MTMR14: variants seen among roughly 807,000 people sequenced by gnomAD.
MTMR14 encodes the protein myotubularin related protein 14.
In MTMR14, 48 loss-of-function variants were observed where a neutral mutation model predicts 86.3. That is an observed-to-expected ratio of 0.56 (90% CI 0.44 to 0.71). The LOEUF is 0.71. Among genes scored for constraint, MTMR14 ranks in the 30% least tolerant of loss-of-function variants. The probability of loss-of-function intolerance (pLI) is 0.00; values close to 1 mark genes in which losing one functional copy is unlikely to be tolerated. For synonymous variants in MTMR14, 366 were observed against 326.1 expected (o/e 1.12, Z -1.32); for missense variants, 780 against 834.6 (o/e 0.93, Z 0.81).
chr3:9,697,746 CCA>C lies in MTMR14; in HGVS notation c.1652_1653del (p.Thr551ArgfsTer33). The C allele has an allele frequency of 6.2e-7, 1 of 1,614,162 alleles. No individual in the cohort carries two copies. The highest frequency in any genetic ancestry group is 8.5e-7 in the Non-Finnish European group (1 of 1,180,032). On this transcript the variant is annotated frameshift_variant, in exon 18 of 19. Coordinates refer to ENST00000296003, the MANE Select transcript of MTMR14 (RefSeq NM_001077525.3). LOFTEE classifies it high-confidence loss of function. ...CATCCCCTGCCCGGATCCTCTCTCT[CCA>C]CAGACTATGGCAGCTGGCAGATGGT...
At chr3:9,670,744 C>T (rs62245625) in intron 5 of MTMR14, among the ~76,000 whole-genome samples, 4 of 152,304 alleles carry the variant, frequency 2.6e-5, no homozygotes, top group East Asian at 1.9e-4. Flanking sequence ...CATTTTAGAA[C>T]GCTGAGATTA....
intron 3 of MTMR14, among the ~76,000 whole-genome samples, chr3:9,667,529 G>A (rs2048322290): frequency 1.3e-5 from 2 of 152,094 alleles, no homozygotes; most frequent in Admixed American, 1.3e-4. Context: ...CCCCACTGGA[G>A]TACATCCTAC....
intron 3 of MTMR14, among the ~76,000 whole-genome samples, chr3:9,663,943 C>T (rs1007484579): frequency 6.6e-6 from 1 of 151,932 alleles, no homozygotes; most frequent in East Asian, 1.9e-4. Flanking sequence ...AGCATGTCAC[C>T]ACACCCAGCT....
chr3:9,682,060 T>C (rs1224253309), intron 9 of MTMR14, among the ~76,000 whole-genome samples: 1 of 152,210 alleles, frequency 6.6e-6, no homozygotes, highest in East Asian at 1.9e-4. Flanking sequence ...CTTGGTACAG[T>C]GCAGCTCTTA....
chr3:9,691,769 T>C (rs2076146442), intron 17 of MTMR14, among the ~76,000 whole-genome samples: 1 of 152,128 alleles, frequency 6.6e-6, no homozygotes, highest in Admixed American at 6.5e-5. Context: ...AGGCCCCCTC[T>C]TGGGAGGCTG....
At chr3:9,680,201 G>A (rs1010896442) in intron 9 of MTMR14, among the ~76,000 whole-genome samples, 26 of 152,108 alleles carry the variant, frequency 1.7e-4, no homozygotes, top group African/African-American at 6.0e-4. Context: ...CCTGAAACTC[G>A]AGTTCTTTGC....
chr3:9,654,055 C>G (rs879446966), intron 2 of MTMR14, among the ~76,000 whole-genome samples: 1 of 152,106 alleles, frequency 6.6e-6, no homozygotes, highest in Non-Finnish European at 1.5e-5. Context: ...TATCAGTGTC[C>G]CTTTTTTAGA....
intron 3 of MTMR14, among the ~76,000 whole-genome samples, chr3:9,666,999 A>G (rs1373939179): frequency 6.6e-6 from 1 of 152,222 alleles, no homozygotes; most frequent in Non-Finnish European, 1.5e-5. Context: ...GTTTTTCTCC[A>G]TCTGACTCGG....
In MTMR14 at chr3:9,688,956, G is replaced by GTGGCAGCACCACCAGCCT; in HGVS notation, c.1315_1332dup (p.Thr439_Ser444dup). On this transcript the variant is annotated inframe_insertion, in exon 16 of 19. Transcript: ENST00000296003. Reference sequence around the variant, plus strand: ...TGGCTTCTTTTAGGACGAAAGGACCGTGGCAGCACCACCAGCCTTGGCAGC... The same window carrying GTGGCAGCACCACCAGCCT: ...TGGCTTCTTTTAGGACGAAAGGACCGTGGCAGCACCACCAGCCTTGGCAGCACCACCAGCCTTGGCAGC... The GTGGCAGCACCACCAGCCT allele has an allele frequency of 7.4e-6, 12 of 1,614,028 alleles. No homozygotes were observed. The highest frequency in any genetic ancestry group is 9.3e-6 in the Non-Finnish European group (11 of 1,180,026).
rs1464404431 is a variant in MTMR14, at chr3:9,688,980, G to C, written c.1331G>C (p.Ser444Thr). 6.2e-7 allele frequency: 1 copy of C among 1,613,918 alleles called. No homozygotes were observed. Among genetic ancestry groups the C allele is most frequent in the African/African-American group, 1.3e-5 (1 of 74,914 alleles). Residue 444 changes from serine (S) to threonine (T), a missense_variant, in exon 16 of 19, where the codon AGC becomes ACC. Ser to Thr is a moderately conservative substitution (Grantham distance 58). Transcript: ENST00000296003. Reference sequence around the variant, plus strand: ...CGTGGCAGCACCACCAGCCTTGGCAGCGACTTCTCCCTGGTCATGGAGAGT... The same window carrying C: ...CGTGGCAGCACCACCAGCCTTGGCACCGACTTCTCCCTGGTCATGGAGAGT... ...KDRGSTTSLGSDFSLVMESSP... is the reference protein window; with the variant it reads ...KDRGSTTSLGTDFSLVMESSP...
intron 1 of MTMR14, 34 bp downstream of exon 1, chr3:9,649,776 TC>T: frequency 6.2e-7 from 1 of 1,611,406 alleles, no homozygotes; most frequent in Non-Finnish European, 8.5e-7. Context: ...TGGGGAAGGC[TC>T]CTAACTTGGG....
intron 9 of MTMR14, among the ~76,000 whole-genome samples, chr3:9,681,630 C>G (rs2075771233): frequency 6.6e-6 from 1 of 152,202 alleles, no homozygotes; most frequent in South Asian, 2.1e-4. Flanking sequence ...CTCCCAGAGA[C>G]TTTTTCATGA....
At chr3:9,652,760 C>T (rs759547559) in intron 1 of MTMR14, among the ~76,000 whole-genome samples, 9 of 150,906 alleles carry the variant, frequency 6.0e-5, no homozygotes, top group South Asian at 2.1e-4. Flanking sequence ...GAGGCTGAGG[C>T]GGGCGGATCA....
In MTMR14 at chr3:9,677,952, C is replaced by A. The variant is rs1230856095; in HGVS notation, c.823-32C>A. 4 of 1,610,452 alleles carry A rather than the reference C, an allele frequency of 2.5e-6. No homozygotes were observed. The highest frequency in any genetic ancestry group is 3.4e-6 in the Non-Finnish European group (4 of 1,177,116). ...CACCTAAGCCTCCTCTGGTGGCCAA[C>A]CCACATCTCACAGGAGTCTTTCTGT... On this transcript the variant is annotated intron_variant, in intron 8 of 18. Transcript: ENST00000296003. This position sits in a 1 kb window ranked among gnomAD's most constrained non-coding sequence, Gnocchi z 4.2.
In MTMR14 at chr3:9,649,570, C is replaced by G. The variant is rs532770469; in HGVS notation, c.-14C>G. The stretch of plus-strand genomic sequence containing the variant: ...GCCCGCTTGAGGCACACTGAGGGGA[C>G]GCGGGGCTGGGCCATGGCCGGCGCT... On this transcript the variant is annotated 5_prime_UTR_variant, in exon 1 of 19. Coordinates refer to ENST00000296003, the MANE Select transcript of MTMR14 (RefSeq NM_001077525.3). The G allele has an allele frequency of 8.5e-6, 13 of 1,538,242 alleles. No homozygotes were observed. In the African/African-American group the frequency reaches 1.5e-4, roughly 18 times the overall value.
intron 3 of MTMR14, among the ~76,000 whole-genome samples, chr3:9,667,467 C>T (rs1200472308): frequency 2.0e-5 from 3 of 151,812 alleles, no homozygotes; most frequent in Non-Finnish European, 2.9e-5. Context: ...ATAGTTCATA[C>T]TTTTTTATCA....
At chr3:9,669,877 T>C (rs1311164385) in intron 5 of MTMR14, among the ~76,000 whole-genome samples, 2 of 152,214 alleles carry the variant, frequency 1.3e-5, no homozygotes, top group Non-Finnish European at 2.9e-5. Flanking sequence ...CAGCTGGTAC[T>C]GAGGCACAGG....
At chr3:9,667,110 T>C (rs1451776624) in intron 3 of MTMR14, among the ~76,000 whole-genome samples, 1 of 152,176 alleles carries the variant, frequency 6.6e-6, no homozygotes, top group African/African-American at 2.4e-5. Flanking sequence ...GTCTCAGAAC[T>C]CAACAGCCAA....
At chr3:9,684,268 G>A (rs2075863883) in intron 10 of MTMR14, among the ~76,000 whole-genome samples, 1 of 152,152 alleles carries the variant, frequency 6.6e-6, no homozygotes, top group African/African-American at 2.4e-5. Flanking sequence ...AATACTTGTC[G>A]TGCCCTCTGA....
Sources: allele counts gnomAD v4.1 joint callset (sites outside exome capture counted in the v4.1 genomes callset), GRCh38; gene constraint gnomAD v4.1.1; non-coding constraint Gnocchi (gnomAD v3.1); transcripts MANE v1.5; gene names NCBI Gene and HGNC (gene_info 2026-07-23, HGNC 2026-07-21).